The following LRRTM4 variants were observed in gnomAD, a reference collection of about 807,000 sequenced individuals.
LRRTM4 encodes the protein leucine rich repeat transmembrane neuronal 4.
In LRRTM4, 25 loss-of-function variants were observed where a neutral mutation model predicts 47.6. The ratio of observed to expected loss-of-function variants is 0.53; its 90% CI spans 0.38 to 0.73. The LOEUF (loss-of-function observed/expected upper bound fraction) is 0.73. Among genes scored for constraint, LRRTM4 ranks in the 30% least tolerant of loss-of-function variants. The pLI is 0.00. For missense variants in LRRTM4, 638 were observed against 713.4 expected, an observed-to-expected ratio of 0.89 and a Z score of 1.20; for synonymous variants, 311 against 269.5, an observed-to-expected ratio of 1.15 and a Z score of -1.51.
chr2:77,367,978 T>C (rs1479224382), intron 3 of LRRTM4, among the ~76,000 whole-genome samples: 1 of 151,884 alleles, frequency 6.6e-6, no homozygotes, highest in African/African-American at 2.4e-5. Flanking sequence ...GGTGCCTTTT[T>C]TCATCGTTAT....
chr2:77,425,500 T>C (rs1161745182), intron 3 of LRRTM4, among the ~76,000 whole-genome samples: 1 of 152,180 alleles, frequency 6.6e-6, no homozygotes, highest in Non-Finnish European at 1.5e-5. Flanking sequence ...GGCAATCCAT[T>C]TTCTGCCTTG....
intron 3 of LRRTM4, among the ~76,000 whole-genome samples, chr2:77,272,619 T>A (rs1400452858): frequency 6.6e-6 from 1 of 152,194 alleles, no homozygotes. Flanking sequence ...CATGAAGAAA[T>A]TTAATCCTTG....
At chr2:77,166,455 C>T (rs1672888943) in intron 3 of LRRTM4, among the ~76,000 whole-genome samples, 1 of 152,128 alleles carries the variant, frequency 6.6e-6, no homozygotes, top group Admixed American at 6.6e-5. Flanking sequence ...GAAAAAACTA[C>T]TTTAAAGTTC....
chr2:77,138,443 T>TA (rs1313028299), intron 3 of LRRTM4, among the ~76,000 whole-genome samples: 4 of 152,116 alleles, frequency 2.6e-5, no homozygotes, highest in Non-Finnish European at 4.4e-5. Flanking sequence ...AGACACAACA[T>TA]ACCAGAATCT....
Position 77,098,480 on chromosome 2 carries a change from C to T in LRRTM4, c.1552-349564G>A, listed in dbSNP as rs369651824. Among the ~76,000 whole-genome samples, 164 of 151,954 alleles carry T rather than the reference C, an allele frequency of 1.1e-3. 2 individuals are homozygous for T. The highest frequency in any genetic ancestry group is 3.4e-3 in the Middle Eastern group (1 of 294). ...AAAAAATAAATTAGATATCTACCTC[C>T]TACTAGAGACAAAATTTATAGTTGT... On this transcript the variant is annotated intron_variant, in intron 3 of 3. Transcript: ENST00000409884.
intron 3 of LRRTM4, among the ~76,000 whole-genome samples, chr2:76,773,945 T>A (rs1002014189): frequency 1.3e-5 from 2 of 151,844 alleles, no homozygotes; most frequent in Non-Finnish European, 2.9e-5. Flanking sequence ...CATCTTCAAT[T>A]GAGATAATTA....
chr2:77,331,226 A>T (rs1490413056), intron 3 of LRRTM4, among the ~76,000 whole-genome samples: 2 of 151,980 alleles, frequency 1.3e-5, no homozygotes, highest in East Asian at 3.9e-4. Context: ...ATTCTTTCTT[A>T]TGACAGATGT....
chr2:76,936,724 G>C (rs1230363317), intron 3 of LRRTM4, among the ~76,000 whole-genome samples: 1 of 151,524 alleles, frequency 6.6e-6, no homozygotes, highest in Non-Finnish European at 1.5e-5. Context: ...AGAGGCCAAG[G>C]CAGGTGGATC....
chr2:76,761,726 C>T lies in LRRTM4; in HGVS notation c.1552-12810G>A, dbSNP rs141847928. Among the ~76,000 whole-genome samples the T allele has an allele frequency of 5.6e-3, 846 of 152,178 alleles. 5 individuals are homozygous for T. Among genetic ancestry groups the T allele is most frequent in the Non-Finnish European group, 8.6e-3 (587 of 68,002 alleles). The stretch of plus-strand genomic sequence containing the variant: ...AGGACTCTCACTGTTGAAAAATATT[C>T]AAACCTCCCAATTATTTCCATCAAG... On this transcript the variant is annotated intron_variant, in intron 3 of 3. Transcript: ENST00000409884.
At chr2:77,100,749 A>G (rs1187517616) in intron 3 of LRRTM4, among the ~76,000 whole-genome samples, 1 of 152,042 alleles carries the variant, frequency 6.6e-6, no homozygotes, top group Non-Finnish European at 1.5e-5. Flanking sequence ...TTTGTTAAAT[A>G]TAATAATGGT....
intron 3 of LRRTM4, among the ~76,000 whole-genome samples, chr2:76,834,167 A>G (rs748960310): frequency 2.0e-5 from 3 of 150,946 alleles, no homozygotes; most frequent in Admixed American, 6.6e-5. Context: ...CAGTCTCCCT[A>G]ATGGCTGGGA....
chr2:76,906,381 G>A (rs1423476584), intron 3 of LRRTM4, among the ~76,000 whole-genome samples: 1 of 152,006 alleles, frequency 6.6e-6, no homozygotes, highest in Non-Finnish European at 1.5e-5. Flanking sequence ...AGTACCAGAT[G>A]CTGCAAAGTC....
chr2:76,985,538 C>T (rs1465973561), intron 3 of LRRTM4, among the ~76,000 whole-genome samples: 2 of 151,872 alleles, frequency 1.3e-5, no homozygotes, highest in Admixed American at 6.6e-5. Flanking sequence ...AACCCAGAGC[C>T]GGGTGAAAGA....
At chr2:76,976,227 G>T (rs1377203150) in intron 3 of LRRTM4, among the ~76,000 whole-genome samples, 1 of 151,542 alleles carries the variant, frequency 6.6e-6, no homozygotes, top group Non-Finnish European at 1.5e-5. Flanking sequence ...CATTCAAAGA[G>T]CCTTCAGTAA....
intron 3 of LRRTM4, among the ~76,000 whole-genome samples, chr2:76,899,431 G>C (rs1214985802): frequency 2.0e-5 from 3 of 151,836 alleles, no homozygotes; most frequent in African/African-American, 7.3e-5. Flanking sequence ...GGAGGTGAAT[G>C]ATTTTAGGGT....
At chr2:77,128,275 C>T (rs987311092) in intron 3 of LRRTM4, among the ~76,000 whole-genome samples, 1 of 152,060 alleles carries the variant, frequency 6.6e-6, no homozygotes, top group African/African-American at 2.4e-5. Context: ...AAGTTCATGA[C>T]ATAAAATGTC....
At chr2:77,253,048 C>T (rs1159542332) in intron 3 of LRRTM4, among the ~76,000 whole-genome samples, 1 of 152,054 alleles carries the variant, frequency 6.6e-6, no homozygotes, top group Non-Finnish European at 1.5e-5. Context: ...TTCTGGAAGA[C>T]CAATGTTTTC....
intron 3 of LRRTM4, among the ~76,000 whole-genome samples, chr2:77,154,318 A>G (rs1474502884): frequency 1.3e-5 from 2 of 152,202 alleles, no homozygotes. Flanking sequence ...TGAGTACTCA[A>G]TAAAGAGAAG....
At chr2:76,890,106 G>A (rs1286447553) in intron 3 of LRRTM4, among the ~76,000 whole-genome samples, 1 of 151,724 alleles carries the variant, frequency 6.6e-6, no homozygotes, top group Non-Finnish European at 1.5e-5. Context: ...ACTATCAAAA[G>A]CAAGACGGAA....
Sources: allele counts gnomAD v4.1 joint callset (sites outside exome capture counted in the v4.1 genomes callset), GRCh38; gene constraint gnomAD v4.1.1; transcripts MANE v1.5; gene names NCBI Gene and HGNC (gene_info 2026-07-23, HGNC 2026-07-21).